Variants in STARD3NL observed in about 807,000 individuals in gnomAD.
STARD3NL encodes the protein STARD3 N-terminal-like protein.
In STARD3NL, 17 loss-of-function variants were observed where a neutral mutation model predicts 30.9. The observed-to-expected ratio is 0.55, with a 90% confidence interval of 0.38 to 0.82. STARD3NL has a LOEUF of 0.82. STARD3NL is among the 40% of genes least tolerant of loss of function. The pLI, the probability that STARD3NL is intolerant of heterozygous loss-of-function variation, is 0.00. For missense variants in STARD3NL, 234 were observed against 277.6 expected (o/e 0.84, Z 1.12); for synonymous variants, 112 against 100.5 (o/e 1.11, Z -0.69).
chr7:38,190,490 G>C (rs1562598705), intron 1 of STARD3NL, among the ~76,000 whole-genome samples: 1 of 152,126 alleles, frequency 6.6e-6, no homozygotes, highest in African/African-American at 2.4e-5. Flanking sequence ...AGATAAACAG[G>C]TACAGACACA....
chr7:38,207,900 G>A (rs1785584579), intron 2 of STARD3NL, among the ~76,000 whole-genome samples, 171 bp downstream of exon 2: 1 of 151,980 alleles, frequency 6.6e-6, no homozygotes, highest in Non-Finnish European at 1.5e-5. Context: ...TAATATTATT[G>A]TTTAAGGCAA....
At chr7:38,204,956 T>C (rs1278058301) in intron 1 of STARD3NL, among the ~76,000 whole-genome samples, 1 of 152,164 alleles carries the variant, frequency 6.6e-6, no homozygotes, top group Non-Finnish European at 1.5e-5. Context: ...AATCTCTGAA[T>C]AGACCAATAA....
intron 7 of STARD3NL, among the ~76,000 whole-genome samples, chr7:38,219,922 C>T (rs998488640): frequency 3.3e-5 from 5 of 152,098 alleles, no homozygotes; most frequent in Admixed American, 1.3e-4. Flanking sequence ...CAAGGGGAAG[C>T]GTCTCAGTGC....
intron 2 of STARD3NL, among the ~76,000 whole-genome samples, chr7:38,212,023 C>T (rs1252325530): frequency 6.6e-6 from 1 of 152,124 alleles, no homozygotes; most frequent in East Asian, 1.9e-4. Flanking sequence ...AACCAAGCCA[C>T]ATTATCACTC....
chr7:38,184,258 GC>G (rs1225732541), intron 1 of STARD3NL, among the ~76,000 whole-genome samples: 1 of 152,156 alleles, frequency 6.6e-6, no homozygotes, highest in Non-Finnish European at 1.5e-5. Context: ...CAAGGAAAAG[GC>G]ATTCCAGGCA....
chr7:38,189,300 A>G (rs2159499), intron 1 of STARD3NL, among the ~76,000 whole-genome samples: 64,973 of 152,066 alleles, frequency 0.43, 14,213 homozygotes, highest in East Asian at 0.5. Flanking sequence ...ATATATAAAG[A>G]TGTTACCATG....
At chr7:38,197,769 C>T (rs4723737) in intron 1 of STARD3NL, among the ~76,000 whole-genome samples, 33,331 of 152,166 alleles carry the variant, frequency 0.22, 4,037 homozygotes, top group Admixed American at 0.34. Flanking sequence ...CCACATCTCT[C>T]TTCTCTAAGC....
At chr7:38,210,791 G>A (rs1192732857) in intron 2 of STARD3NL, among the ~76,000 whole-genome samples, 1 of 152,022 alleles carries the variant, frequency 6.6e-6, no homozygotes, top group African/African-American at 2.4e-5. Flanking sequence ...TTGAGACTAT[G>A]GTTCAAAAAA....
intron 1 of STARD3NL, among the ~76,000 whole-genome samples, chr7:38,189,777 A>G (rs1227956747): frequency 6.6e-6 from 1 of 152,212 alleles, no homozygotes; most frequent in African/African-American, 2.4e-5. Flanking sequence ...TGATAGTTGT[A>G]TTAAGGGCAG....
intron 2 of STARD3NL, among the ~76,000 whole-genome samples, chr7:38,211,754 A>G (rs1785817248): frequency 6.6e-6 from 1 of 152,174 alleles, no homozygotes; most frequent in Non-Finnish European, 1.5e-5. Context: ...TGTTTCCCCC[A>G]ATGCATACAC....
At chr7:38,196,790 A>G (rs1784915854) in intron 1 of STARD3NL, among the ~76,000 whole-genome samples, 1 of 151,200 alleles carries the variant, frequency 6.6e-6, no homozygotes, top group South Asian at 2.1e-4. Flanking sequence ...ATTAATTTGG[A>G]TGTAATTTAT....
intron 1 of STARD3NL, among the ~76,000 whole-genome samples, chr7:38,187,989 C>G (rs1784532484): frequency 6.6e-6 from 1 of 152,160 alleles, no homozygotes; most frequent in Non-Finnish European, 1.5e-5. Flanking sequence ...ATTCTCATCC[C>G]CTCTACTGCC....
chr7:38,213,616 C>T (rs1379583052), intron 2 of STARD3NL, among the ~76,000 whole-genome samples: 1 of 152,140 alleles, frequency 6.6e-6, no homozygotes, highest in African/African-American at 2.4e-5. Flanking sequence ...GACAGTTACC[C>T]TGCTTGGGTG....
At position 38,201,397 on chromosome 7, in the gene STARD3NL, T is replaced by C. The variant is rs576424609; in HGVS notation, c.-58-6050T>C. On this transcript the variant is annotated intron_variant, in intron 1 of 8. Coordinates refer to ENST00000009041, the MANE Select transcript of STARD3NL (RefSeq NM_032016.4). ...TTTCACATTTCTGAGATTGATACGT[T>C]TCTTAATCTTTCTTATTCACAAGAA... 2.0e-3 allele frequency among the ~76,000 whole-genome samples: 301 copies of C among 152,360 alleles called. 1 individual carries two copies. The highest frequency in any genetic ancestry group is 3.9e-3 in the Non-Finnish European group (263 of 68,046).
chr7:38,217,195 C>G lies in STARD3NL; in HGVS notation c.443C>G (p.Ser148Cys), dbSNP rs757062566. The G allele has an allele frequency of 3.7e-6, 6 of 1,614,046 alleles. No homozygotes were observed. The highest frequency in any genetic ancestry group is 5.1e-6 in the Non-Finnish European group (6 of 1,179,932). Residue 148 changes from serine (S) to cysteine (C), a missense_variant, in exon 6 of 9, where the codon TCT becomes TGT. Physicochemically the swap from Ser to Cys is moderately radical, Grantham distance 112 (BLOSUM62 -1). Coordinates refer to ENST00000009041, the MANE Select transcript of STARD3NL (RefSeq NM_032016.4). ...LAKVILSKLF[S>C]QGAFGYVLPI... ...CCTGGTCGTATTTTCCAGCTTTTCTCTCAAGGGGCTTTTGGCTATGTGCTG... is the reference window on the plus strand; with the variant it reads ...CCTGGTCGTATTTTCCAGCTTTTCTGTCAAGGGGCTTTTGGCTATGTGCTG...
chr7:38,206,569 A>G (rs1785499073), intron 1 of STARD3NL, among the ~76,000 whole-genome samples: 1 of 152,180 alleles, frequency 6.6e-6, no homozygotes, highest in Non-Finnish European at 1.5e-5. Context: ...GCATCTCTGT[A>G]TAGGACTATA....
At chr7:38,204,075 A>G (rs1209942317) in intron 1 of STARD3NL, among the ~76,000 whole-genome samples, 1 of 152,306 alleles carries the variant, frequency 6.6e-6, no homozygotes, top group East Asian at 1.9e-4. Flanking sequence ...AGACAGATCA[A>G]CGAGACAGAA....
At chr7:38,209,884 C>G (rs1384015303) in intron 2 of STARD3NL, among the ~76,000 whole-genome samples, 1 of 152,180 alleles carries the variant, frequency 6.6e-6, no homozygotes, top group Non-Finnish European at 1.5e-5. Context: ...TGAAAAATCA[C>G]CAGGCCTAGC....
rs147152508 is a variant in STARD3NL, at chr7:38,224,878, A to C, written c.650-3921A>C. 9.3e-4 allele frequency among the ~76,000 whole-genome samples: 142 copies of C among 152,312 alleles called. 1 individual carries two copies. Among genetic ancestry groups the C allele is most frequent in the African/African-American group, 3.1e-3 (129 of 41,556 alleles). On this transcript the variant is annotated intron_variant, in intron 7 of 8. Transcript: ENST00000009041. ...ACTTTATCATGTTCGTCTTATGGCA[A>C]ACTTTTTCATAGGTATGTATGTATA...
Sources: gnomAD v4.1 joint callset for allele counts (sites outside exome capture counted in the v4.1 genomes callset) on GRCh38, gnomAD v4.1.1 for gene constraint, MANE v1.5 for transcripts, NCBI Gene and HGNC (gene_info 2026-07-23, HGNC 2026-07-21) for gene names.